Variants in SPAG16 observed in about 807,000 individuals in gnomAD.
The protein encoded by SPAG16 is sperm associated antigen 16, also known as sperm-associated antigen 16 protein.
Under a neutral mutation model 80.4 loss-of-function variants are expected in SPAG16, and 86 were observed. The observed-to-expected ratio is 1.07, with a 90% CI of 0.90 to 1.28. SPAG16 has a LOEUF of 1.28. Among genes scored for constraint, SPAG16 ranks in the 50% most tolerant of loss-of-function variants. SPAG16 has a pLI of 0.00. For synonymous variants in SPAG16, 294 were observed against 265.9 expected, an observed-to-expected ratio of 1.11 and a Z score of -1.03; for missense variants, 870 against 765.3, an observed-to-expected ratio of 1.14 and a Z score of -1.61.
At chr2:214,293,454 C>T (rs1693934623) in intron 15 of SPAG16, among the ~76,000 whole-genome samples, 1 of 152,144 alleles carries the variant, frequency 6.6e-6, no homozygotes. Context: ...AATCCCTAGG[C>T]CTTTGGAATG....
chr2:213,286,061 A>T, intron 1 of SPAG16: 1 of 493,752 alleles, frequency 2.0e-6, no homozygotes, highest in Non-Finnish European at 3.6e-6. Flanking sequence ...AACATAACAC[A>T]ACTTTCAGCA....
At chr2:213,502,095 TA>T (rs903648604) in intron 10 of SPAG16, among the ~76,000 whole-genome samples, 3 of 152,208 alleles carry the variant, frequency 2.0e-5, no homozygotes, top group Middle Eastern at 3.4e-3. Flanking sequence ...GTAAAACCTT[TA>T]AAAAAAATTC....
chr2:213,702,098 G>A (rs746440270), intron 10 of SPAG16, among the ~76,000 whole-genome samples: 7 of 152,160 alleles, frequency 4.6e-5, no homozygotes, highest in Non-Finnish European at 8.8e-5. Context: ...CTAGAGGATT[G>A]TAAATGCACC....
chr2:213,474,049 G>A (rs942028788), intron 9 of SPAG16, among the ~76,000 whole-genome samples: 3 of 152,206 alleles, frequency 2.0e-5, no homozygotes, highest in African/African-American at 7.2e-5. Context: ...GCTGATGGCA[G>A]CATGGGTTGG....
At chr2:213,922,846 G>A (rs1419657934) in intron 11 of SPAG16, among the ~76,000 whole-genome samples, 1 of 151,956 alleles carries the variant, frequency 6.6e-6, no homozygotes, top group Non-Finnish European at 1.5e-5. Flanking sequence ...TCTTCTGTTG[G>A]GCTTTCTGAT....
intron 12 of SPAG16, among the ~76,000 whole-genome samples, chr2:213,982,248 G>A (rs966578197): frequency 1.3e-5 from 2 of 151,994 alleles, no homozygotes; most frequent in African/African-American, 4.8e-5. Context: ...ATGTGCCCAT[G>A]TATTTGGATA....
At chr2:213,717,722 T>C (rs1360957466) in intron 10 of SPAG16, among the ~76,000 whole-genome samples, 3 of 152,162 alleles carry the variant, frequency 2.0e-5, no homozygotes, top group Non-Finnish European at 2.9e-5. Context: ...TCCTATAATA[T>C]GTAGTATTAT....
intron 15 of SPAG16, among the ~76,000 whole-genome samples, chr2:214,209,723 T>C (rs1210488288): frequency 9.2e-5 from 14 of 152,290 alleles, no homozygotes; most frequent in Middle Eastern, 3.4e-3. Context: ...AGCAATGATG[T>C]CTTGGCTTTG....
chr2:214,128,154 T>G (rs1251189181), intron 14 of SPAG16, among the ~76,000 whole-genome samples: 1 of 151,826 alleles, frequency 6.6e-6, no homozygotes, highest in Non-Finnish European at 1.5e-5. Context: ...TTAAAAATAG[T>G]TGTTCAGAAG....
intron 14 of SPAG16, among the ~76,000 whole-genome samples, chr2:214,148,570 C>G (rs1215623093): frequency 3.9e-5 from 6 of 152,124 alleles, no homozygotes; most frequent in African/African-American, 7.2e-5. Context: ...TTCACCTGGT[C>G]CCTGTCATTC....
At chr2:214,056,375 G>A (rs1251844218) in intron 13 of SPAG16, among the ~76,000 whole-genome samples, 1 of 151,704 alleles carries the variant, frequency 6.6e-6, no homozygotes. Flanking sequence ...AGATACTGCA[G>A]TTTCTGTTCC....
intron 10 of SPAG16, among the ~76,000 whole-genome samples, chr2:213,508,253 C>T (rs1315224989): frequency 3.3e-5 from 5 of 152,214 alleles, no homozygotes; most frequent in African/African-American, 9.6e-5. Context: ...CACATATACA[C>T]CATGGAATAC....
At position 213,929,993 on chromosome 2, in the gene SPAG16, T is replaced by C. The variant is rs748579214; in HGVS notation, c.1248T>C (p.Thr416=). 3 of 1,613,568 alleles carry C rather than the reference T, an allele frequency of 1.9e-6. No individual in the cohort carries two copies. The highest frequency in any genetic ancestry group is 3.3e-5 in the Admixed American group (2 of 59,904). Residue 416 remains threonine, a synonymous_variant, in exon 12 of 16, where the codon ACT becomes ACC. Transcript: ENST00000331683. Reference sequence around the variant, plus strand: ...AATTGGCTACTTCAAGTGGTGACACTACAGTTAAATTATGGGATCTATGTA... The same window carrying C: ...AATTGGCTACTTCAAGTGGTGACACCACAGTTAAATTATGGGATCTATGTA... The part of the protein sequence containing the change: ...GDKLATSSGD[T]TVKLWDLCKG...
chr2:213,832,033 G>A (rs1016071433), intron 10 of SPAG16, among the ~76,000 whole-genome samples: 1 of 151,852 alleles, frequency 6.6e-6, no homozygotes, highest in Non-Finnish European at 1.5e-5. Context: ...CACTCACTCT[G>A]TCACCCAGGA....
intron 10 of SPAG16, among the ~76,000 whole-genome samples, chr2:213,540,358 A>G (rs1007458690): frequency 6.6e-6 from 1 of 152,046 alleles, no homozygotes; most frequent in African/African-American, 2.4e-5. Context: ...CCCAAAAACA[A>G]TCATTGTATT....
chr2:213,355,630 T>C (rs2065598399), intron 7 of SPAG16, among the ~76,000 whole-genome samples: 2 of 152,210 alleles, frequency 1.3e-5, no homozygotes, highest in South Asian at 2.1e-4. Flanking sequence ...GAAGCAATTG[T>C]GAATGGGATT....
At chr2:214,340,768 G>T (rs1697625136) in intron 15 of SPAG16, among the ~76,000 whole-genome samples, 1 of 152,160 alleles carries the variant, frequency 6.6e-6, no homozygotes, top group Non-Finnish European at 1.5e-5. Context: ...CTGAGGCTGT[G>T]ATTAGGTCAG....
At chr2:213,937,259 C>G (rs1178514934) in intron 12 of SPAG16, among the ~76,000 whole-genome samples, 2 of 151,932 alleles carry the variant, frequency 1.3e-5, no homozygotes, top group African/African-American at 2.4e-5. Context: ...GGGTTTAAAA[C>G]ACGATAATGT....
chr2:213,709,628 A>G (rs2065898848), intron 10 of SPAG16, among the ~76,000 whole-genome samples: 1 of 152,116 alleles, frequency 6.6e-6, no homozygotes, highest in Admixed American at 6.5e-5. Flanking sequence ...TATGTTGTGG[A>G]CCTTACTCTG....
Sources: gnomAD v4.1 joint callset for allele counts (sites outside exome capture counted in the v4.1 genomes callset) on GRCh38, gnomAD v4.1.1 for gene constraint, MANE v1.5 for transcripts, NCBI Gene and HGNC (gene_info 2026-07-23, HGNC 2026-07-21) for gene names.